Variants in ANXA6 observed in about 807,000 individuals in gnomAD.
ANXA6 encodes 67 kDa calelectrin.
ANXA6 carries 71 observed loss-of-function variants against 95.4 expected under a neutral mutation model. The observed-to-expected ratio is 0.74, with a 90% CI of 0.61 to 0.91. ANXA6 has a LOEUF of 0.91. Ranked by LOEUF, ANXA6 falls within the 40% of genes least tolerant of loss-of-function variation. The pLI is 0.00. For synonymous variants in ANXA6, 289 were observed against 315.9 expected (o/e 0.91, Z 0.90); for missense variants, 830 against 876.4 (o/e 0.95, Z 0.67).
intron 2 of ANXA6, among the ~76,000 whole-genome samples, chr5:151,143,994 T>A (rs967421987): frequency 3.3e-5 from 5 of 151,868 alleles, no homozygotes; most frequent in Non-Finnish European, 7.4e-5. Flanking sequence ...CAGCCCAGAG[T>A]CTGCAGGGCT....
At chr5:151,130,438 G>A (rs148404757) in intron 11 of ANXA6, among the ~76,000 whole-genome samples, 3 of 151,986 alleles carry the variant, frequency 2.0e-5, no homozygotes, top group Admixed American at 1.3e-4. Flanking sequence ...TATTTTTGTA[G>A]AGACAAGGGT....
chr5:151,101,779 C>G (rs756748426), intron 25 of ANXA6, among the ~76,000 whole-genome samples: 9 of 152,204 alleles, frequency 5.9e-5, no homozygotes, highest in Non-Finnish European at 1.3e-4. Flanking sequence ...TTCACCTGTT[C>G]CTTTCCCCCA....
At chr5:151,119,217 C>A in intron 18 of ANXA6, 83 bp downstream of exon 18, 1 of 1,173,258 alleles carries the variant, frequency 8.5e-7, no homozygotes, top group Non-Finnish European at 1.3e-6. Context: ...GGCCAGAGTC[C>A]TGGGCAGAGC....
intron 19 of ANXA6, 86 bp from the exon 20 acceptor site, chr5:151,117,266 C>T: frequency 7.5e-7 from 1 of 1,334,038 alleles, no homozygotes; most frequent in South Asian, 1.5e-5. Flanking sequence ...CTCATTTTCA[C>T]CTCTCTGAAT....
At chr5:151,141,515 G>A in intron 2 of ANXA6, 1 of 985,452 alleles carries the variant, frequency 1.0e-6, no homozygotes, top group Non-Finnish European at 1.2e-6. Flanking sequence ...AATGGAGGGT[G>A]GGCCACACAG....
chr5:151,120,431 A>AG (rs1765134703), intron 17 of ANXA6, among the ~76,000 whole-genome samples: 1 of 151,780 alleles, frequency 6.6e-6, no homozygotes, highest in African/African-American at 2.4e-5. Context: ...AAAAAAAAAA[A>AG]AAAGTCCGGG....
intron 1 of ANXA6, among the ~76,000 whole-genome samples, chr5:151,154,295 GTATATA>G (rs58268342): frequency 0.089 from 12,351 of 138,298 alleles, 638 homozygotes; most frequent in African/African-American, 0.14. Context: ...GCAGTTTGCA[GTATATA>G]TATATATATA....
chr5:151,142,287 G>A (rs1684512966), intron 2 of ANXA6, among the ~76,000 whole-genome samples: 1 of 152,184 alleles, frequency 6.6e-6, no homozygotes, highest in African/African-American at 2.4e-5. Context: ...AGACCAGCCT[G>A]GCCAATGTAA....
At chr5:151,109,126 G>A (rs1462455846) in intron 22 of ANXA6, among the ~76,000 whole-genome samples, 1 of 146,574 alleles carries the variant, frequency 6.8e-6, no homozygotes, top group Non-Finnish European at 1.5e-5. Context: ...TCACATGGCT[G>A]TTAAGTGGGG....
chr5:151,102,683 G>A (rs900592152), intron 25 of ANXA6, among the ~76,000 whole-genome samples: 3 of 152,102 alleles, frequency 2.0e-5, no homozygotes, highest in African/African-American at 7.2e-5. Context: ...CAGCCTGGGC[G>A]ACAGAGCAAG....
chr5:151,138,810 G>C lies in ANXA6; in HGVS notation c.205-19C>G. The C allele has an allele frequency of 1.3e-6, 2 of 1,542,376 alleles. No individual in the cohort carries two copies. The highest frequency in any genetic ancestry group is 1.8e-6 in the Non-Finnish European group (2 of 1,116,684). On this transcript the variant is annotated intron_variant, in intron 4 of 25. Coordinates refer to ENST00000354546, the MANE Select transcript of ANXA6 (RefSeq NM_001155.5). ...TGAGGTCCTGGCAGGTGGGGAAGAA[G>C]AGGAGATAGAAGAGGAAAGAGGAAG...
Position 151,117,221 on chromosome 5 carries a change from G to A in ANXA6, c.1519-41C>T, listed in dbSNP as rs531058466. On this transcript the variant is annotated intron_variant, in intron 19 of 25. Coordinates refer to ENST00000354546, the MANE Select transcript of ANXA6 (RefSeq NM_001155.5). Reference sequence around the variant, plus strand: ...CAAGAAAGTTCAGTCCCCAAACATCGACCCATCTCCATCTCTGTACCACCA... The same window carrying A: ...CAAGAAAGTTCAGTCCCCAAACATCAACCCATCTCCATCTCTGTACCACCA... The A allele has an allele frequency of 7.1e-6, 11 of 1,548,508 alleles. No homozygotes were observed. The South Asian group carries it at 7.2e-5, about 10-fold the overall frequency.
chr5:151,108,559 A>G lies in ANXA6; in HGVS notation c.1685-9T>C, dbSNP rs904082887. On this transcript the variant is annotated splice_polypyrimidine_tract_variant and intron_variant, in intron 22 of 25. Transcript: ENST00000354546. ...GATGAACTCCTGGAAGACTGGCCAC[A>G]AGAGAAGCCCCAGAGGTGGGGGTGA... is the stretch of plus-strand genomic sequence containing the variant. 4 of 1,613,364 alleles carry G rather than the reference A, an allele frequency of 2.5e-6. No homozygotes were observed. The highest frequency in any genetic ancestry group is 3.4e-6 in the Non-Finnish European group (4 of 1,179,430).
At chr5:151,149,413 G>A (rs1207580507) in intron 1 of ANXA6, among the ~76,000 whole-genome samples, 2 of 152,148 alleles carry the variant, frequency 1.3e-5, no homozygotes, top group Non-Finnish European at 2.9e-5. Context: ...ACAGATGAAA[G>A]TTTAACAATC....
chr5:151,125,329 G>A (rs1420033767), intron 14 of ANXA6, among the ~76,000 whole-genome samples: 29 of 119,030 alleles, frequency 2.4e-4, no homozygotes, highest in Non-Finnish European at 3.6e-4. Flanking sequence ...ATAACAGAGT[G>A]AGACCCTGTC....
chr5:151,147,962 CA>C (rs1186388704), intron 1 of ANXA6, 36 bp from the exon 2 acceptor site: 2 of 1,549,254 alleles, frequency 1.3e-6, no homozygotes, highest in African/African-American at 2.7e-5. Context: ...AGATTCCCCC[CA>C]ACTCTAACCA....
In ANXA6 at chr5:151,108,438, T is replaced by A; in HGVS notation, c.1780+17A>T. On this transcript the variant is annotated intron_variant, in intron 23 of 25. Coordinates refer to ENST00000354546, the MANE Select transcript of ANXA6 (RefSeq NM_001155.5). ...TTCCCAGTGCCCCCAGCCCTTCCCT[T>A]AGTCCCTGCCAGTTACCAATGGCCA... 1 of 1,609,474 alleles carries A rather than the reference T, an allele frequency of 6.2e-7. No homozygotes were observed. The highest frequency in any genetic ancestry group is 8.5e-7 in the Non-Finnish European group (1 of 1,175,786).
At chr5:151,123,078 C>G in intron 15 of ANXA6, 67 bp from the exon 16 acceptor site, 5 of 1,311,682 alleles carry the variant, frequency 3.8e-6, no homozygotes, top group Non-Finnish European at 5.5e-6. Context: ...ATGCACCGCC[C>G]ACTGATGGCC....
intron 2 of ANXA6, among the ~76,000 whole-genome samples, chr5:151,142,106 T>A (rs1242214902): frequency 1.3e-5 from 2 of 152,230 alleles, no homozygotes; most frequent in Non-Finnish European, 2.9e-5. Context: ...CTAAATCCTT[T>A]TCTCTTTCTT....
Sources: allele counts gnomAD v4.1 joint callset (sites outside exome capture counted in the v4.1 genomes callset), GRCh38; gene constraint gnomAD v4.1.1; transcripts MANE v1.5; gene names NCBI Gene and HGNC (gene_info 2026-07-23, HGNC 2026-07-21).